The following SETD1B variants were observed in gnomAD, a reference collection of about 807,000 sequenced individuals.
SETD1B encodes histone-lysine N-methyltransferase SETD1B.
A neutral mutation model predicts 148.0 loss-of-function variants in SETD1B; 7 were observed. The ratio of observed to expected loss-of-function variants is 0.05; its 90% CI spans 0.03 to 0.09. The LOEUF (loss-of-function observed/expected upper bound fraction) is 0.09, where lower values mean the gene tolerates loss of function less well. Among genes scored for constraint, SETD1B ranks in the 10% least tolerant of loss-of-function variants. The probability of loss-of-function intolerance (pLI) is 1.00; values close to 1 mark genes in which losing one functional copy is unlikely to be tolerated. For synonymous variants in SETD1B, 1,361 were observed against 1,186.5 expected, an observed-to-expected ratio of 1.15 and a Z score of -3.02; for missense variants, 2,155 against 2,729.9, an observed-to-expected ratio of 0.79 and a Z score of 4.69.
Position 121,804,761 on chromosome 12 carries a change from CCA to C in SETD1B, c.26_27del (p.His9ProfsTer28). MENSHPPH[H>X]HHQQPPPQPG... ...GCATGGAGAACAGTCACCCCCCCCA[CCA>C]CCACCACCAGCAGCCCCCGCCGCAG... On this transcript the variant is annotated frameshift_variant, in exon 2 of 17. Coordinates refer to ENST00000604567, the MANE Select transcript of SETD1B (RefSeq NM_001353345.2). LOFTEE classifies it high-confidence loss of function. The surrounding 1 kb of genome is among the most constrained non-coding windows in gnomAD (Gnocchi z 4.6). 1 of 1,550,086 alleles carries C rather than the reference CCA, an allele frequency of 6.5e-7. No homozygotes were observed.
upstream of SETD1B, chr12:121,799,740 G>GGGGGTGGGA (rs1566540807): frequency 9.2e-6 from 1 of 109,010 alleles, no homozygotes; most frequent in Non-Finnish European, 2.1e-5. Context: ...GTGGGGTGGG[G>GGGGGTGGGA]CGGGGCCGCA....
the SETD1B span, chr12:121,794,394 C>T: frequency 1.3e-5 from 2 of 152,276 alleles, no homozygotes; most frequent in Non-Finnish European, 2.9e-5. Context: ...GGCCCGAAAC[C>T]ACTAGGGGCG....
chr12:121,830,553 T>A lies in SETD1B; in HGVS notation c.*314T>A. 1 of 269,952 alleles carries A rather than the reference T, an allele frequency of 3.7e-6. No individual in the cohort carries two copies. 16.7% of individuals were successfully genotyped at this position (269,952 alleles called of 1,614,324 possible). On this transcript the variant is annotated 3_prime_UTR_variant, in exon 17 of 17. Transcript: ENST00000604567. This position sits in a 1 kb window ranked among gnomAD's most constrained non-coding sequence, Gnocchi z 5.7. Reference sequence around the variant, plus strand: ...TCCTCCCCTCTCTCTCTTCTCTGTCTCTTCTCTCTCCCACCATCACCCTCG... The same window carrying A: ...TCCTCCCCTCTCTCTCTTCTCTGTCACTTCTCTCTCCCACCATCACCCTCG...
At position 121,825,380 on chromosome 12, in the gene SETD1B, T is replaced by C. The variant is rs1876792157; in HGVS notation, c.5337+14T>C. 1 of 1,546,116 alleles carries C rather than the reference T, an allele frequency of 6.5e-7. No individual in the cohort carries two copies. The highest frequency in any genetic ancestry group is 8.7e-7 in the Non-Finnish European group (1 of 1,146,258). Reference sequence around the variant, plus strand: ...GCAGACACCCAGGTACTGCCAGGGCTCCTGGACACATCAGAGCCTGCTGGG... The same window carrying C: ...GCAGACACCCAGGTACTGCCAGGGCCCCTGGACACATCAGAGCCTGCTGGG... On this transcript the variant is annotated intron_variant, in intron 13 of 16. Coordinates refer to ENST00000604567, the MANE Select transcript of SETD1B (RefSeq NM_001353345.2).
chr12:121,799,588 C>G (rs1329966616), upstream of SETD1B: 3 of 152,328 alleles, frequency 2.0e-5, no homozygotes, highest in African/African-American at 7.2e-5. Context: ...GAAATACTTG[C>G]AAGTGGATCC....
In SETD1B at chr12:121,830,521, C is replaced by CCGTCTCTCCTCCCCTCTCTCTCTT. The variant is rs1877044559; in HGVS notation, c.*284_*307dup. 1 of 344,982 alleles carries CCGTCTCTCCTCCCCTCTCTCTCTT rather than the reference C, an allele frequency of 2.9e-6. No individual in the cohort carries two copies. Among genetic ancestry groups the CCGTCTCTCCTCCCCTCTCTCTCTT allele is most frequent in the Non-Finnish European group, 5.3e-6 (1 of 189,578 alleles). The allele number at this position is 344,982 out of a possible 1,614,324, so 21.4% of individuals were successfully genotyped here. Reference sequence around the variant, plus strand: ...AACTCCAGCATCAGCTTCTCTCTCTCCGTCTCTCCTCCCCTCTCTCTCTTC... The same window carrying CCGTCTCTCCTCCCCTCTCTCTCTT: ...AACTCCAGCATCAGCTTCTCTCTCTCCGTCTCTCCTCCCCTCTCTCTCTTCGTCTCTCCTCCCCTCTCTCTCTTC... On this transcript the variant is annotated 3_prime_UTR_variant, in exon 17 of 17. Coordinates refer to ENST00000604567, the MANE Select transcript of SETD1B (RefSeq NM_001353345.2). This position sits in a 1 kb window ranked among gnomAD's most constrained non-coding sequence, Gnocchi z 5.7.
rs188693323 is a variant in SETD1B, at chr12:121,815,790, C to T, written c.2715+860C>T. 1.9e-4 allele frequency among the ~76,000 whole-genome samples: 29 copies of T among 151,102 alleles called. No homozygotes were observed. In the East Asian group the frequency reaches 4.5e-3, roughly 23 times the overall value. ...GGCTGGGATTATATGCGTCAGCCACCGCTCCTGGCCTACTTACTATTTTCT... is the reference window on the plus strand; with the variant it reads ...GGCTGGGATTATATGCGTCAGCCACTGCTCCTGGCCTACTTACTATTTTCT... On this transcript the variant is annotated intron_variant, in intron 7 of 16. Coordinates refer to ENST00000604567, the MANE Select transcript of SETD1B (RefSeq NM_001353345.2).
At chr12:121,795,694 T>A in the SETD1B span, 1 of 152,346 alleles carries the variant, frequency 6.6e-6, no homozygotes, top group African/African-American at 2.4e-5. Context: ...GGGGCCGAGG[T>A]TCCCCAGGAC....
Position 121,819,559 on chromosome 12 carries a change from G to C in SETD1B, c.3574G>C (p.Glu1192Gln). 1 of 1,552,684 alleles carries C rather than the reference G, an allele frequency of 6.4e-7. No individual in the cohort carries two copies. The highest frequency in any genetic ancestry group is 8.7e-7 in the Non-Finnish European group (1 of 1,147,368). Reference sequence around the variant, plus strand: ...CAGGGAAGAGGAGGAAGAAGAGGAGGAGGAGGAGATGGTGGCCGAGGAAAG... The same window carrying C: ...CAGGGAAGAGGAGGAAGAAGAGGAGCAGGAGGAGATGGTGGCCGAGGAAAG... ...VAREEEEEEE[E>Q]EEMVAEESMA... The change falls in exon 11 of 17, where the codon GAG becomes CAG. Residue 1192 changes from glutamate to glutamine, a missense_variant. Coordinates refer to ENST00000604567, the MANE Select transcript of SETD1B (RefSeq NM_001353345.2).
At chr12:121,806,614 C>T (rs1875754501) in intron 4 of SETD1B, among the ~76,000 whole-genome samples, 1 of 152,188 alleles carries the variant, frequency 6.6e-6, no homozygotes, top group South Asian at 2.1e-4. Flanking sequence ...CAATCTGGGG[C>T]CAGGAGTGTT....
Position 121,804,941 on chromosome 12 carries a change from G to A in SETD1B, c.174+30G>A. On this transcript the variant is annotated intron_variant, in intron 2 of 16. Transcript: ENST00000604567. The surrounding 1 kb of genome is among the most constrained non-coding windows in gnomAD (Gnocchi z 4.6). ...GTAGCCGGCGCGCCCCCCCAGCCGTGCCCCGCGTCGTGTCCGGGGAGACGC... is the reference window on the plus strand; with the variant it reads ...GTAGCCGGCGCGCCCCCCCAGCCGTACCCCGCGTCGTGTCCGGGGAGACGC... 1.4e-6 allele frequency: 2 copies of A among 1,479,246 alleles called. No homozygotes were observed. The highest frequency in any genetic ancestry group is 1.8e-6 in the Non-Finnish European group (2 of 1,111,276). The allele number at this position is 1,479,246 out of a possible 1,614,324, so 91.6% of individuals were successfully genotyped here. A position where few individuals can be genotyped will look rare whatever the true frequency, so the allele number is the denominator to read the frequency against.
the SETD1B span, chr12:121,793,814 G>A: frequency 7.8e-6 from 4 of 515,920 alleles, no homozygotes; most frequent in African/African-American, 8.2e-5. Context: ...CCCTGGGTGT[G>A]GGTATTCAGC....
chr12:121,823,776 C>T, intron 12 of SETD1B, 27 bp downstream of exon 12: 1 of 1,521,190 alleles, frequency 6.6e-7, no homozygotes, highest in Non-Finnish European at 8.8e-7. Flanking sequence ...GGGGGCTCTG[C>T]ACCTTCTGGG....
rs779497764 is a variant in SETD1B at position 121,810,243 on chromosome 12, C to T, written c.1298C>T (p.Ala433Val). 28 of 1,546,888 alleles carry T rather than the reference C, an allele frequency of 1.8e-5. No homozygotes were observed. The highest frequency in any genetic ancestry group is 1.1e-4 in the African/African-American group (8 of 73,006). Residue 433 changes from alanine (A) to valine (V), a missense_variant, in exon 6 of 17, where the codon GCG (alanine) becomes GTG (valine). Ala to Val is a moderately conservative substitution (Grantham distance 64). This residue lies in a region of SETD1B where 376 missense variants were observed against 385.0 expected (regional missense o/e 0.98). Transcript: ENST00000604567. This position sits in a 1 kb window ranked among gnomAD's most constrained non-coding sequence, Gnocchi z 7.6. ...RDSGEFRRAP[A>V]PPPLPPAEPL... ...AGTGGGGAGTTCCGGAGGGCACCGG[C>T]GCCCCCACCCCTGCCACCTGCTGAG...
At chr12:121,818,030 AACAC>A in intron 10 of SETD1B, 126 bp downstream of exon 10, 1 of 916,974 alleles carries the variant, frequency 1.1e-6, no homozygotes, top group East Asian at 2.7e-5. Flanking sequence ...ACCTTGTTAA[AACAC>A]ACACACAGGG....
Position 121,809,752 on chromosome 12 carries a change from T to C in SETD1B, c.807T>C (p.Tyr269=). ...SSCRLDTPNS[Y]GQGTPLTPRL... ...GCCGCCTGGACACACCCAACTCCTA[T>C]GGACAGGGCACCCCGCTCACACCGC... The change falls in exon 6 of 17, where the codon TAT becomes TAC. Residue 269 remains tyrosine (Y), a synonymous_variant. Transcript: ENST00000604567. The C allele has an allele frequency of 6.4e-7, 1 of 1,551,544 alleles. No individual in the cohort carries two copies. Among genetic ancestry groups the C allele is most frequent in the Non-Finnish European group, 8.7e-7 (1 of 1,146,970 alleles).
chr12:121,809,797 A>T lies in SETD1B; in HGVS notation c.852A>T (p.Ser284=). The T allele has an allele frequency of 6.4e-7, 1 of 1,550,988 alleles. No homozygotes were observed. The highest frequency in any genetic ancestry group is 8.7e-7 in the Non-Finnish European group (1 of 1,146,796). Residue 284 remains serine (S), a synonymous_variant, in exon 6 of 17, where the codon TCA becomes TCT. Transcript: ENST00000604567. ...CACCGCGCCTGGGCACCCCTTTCTC[A>T]CAGGACTCCAGCTACTCCAGCCGCC... ...PLTPRLGTPF[S]QDSSYSSRQP...
At chr12:121,820,386 C>T (rs1876511572) in intron 11 of SETD1B, among the ~76,000 whole-genome samples, 1 of 152,228 alleles carries the variant, frequency 6.6e-6, no homozygotes, top group Non-Finnish European at 1.5e-5. Flanking sequence ...GCTGTGCTGT[C>T]CAGCACTGTA....
Position 121,819,635 on chromosome 12 carries a change from C to T in SETD1B, c.3650C>T (p.Ala1217Val), listed in dbSNP as rs1447310609. The T allele has an allele frequency of 1.9e-6, 3 of 1,551,742 alleles. No homozygotes were observed. In the South Asian group the frequency reaches 3.6e-5, roughly 18 times the overall value. The change falls in exon 11 of 17, where the codon GCT becomes GTT. Residue 1217 changes from alanine to valine, a missense_variant. By Grantham distance (64) the Ala-to-Val change is moderately conservative. Transcript: ENST00000604567. ...TTTGAGCAGGACGGGGAGGAAGCGGCTCTGGCCCCGGGGGCACCTGCAGTG... is the reference window on the plus strand; with the variant it reads ...TTTGAGCAGGACGGGGAGGAAGCGGTTCTGGCCCCGGGGGCACCTGCAGTG... ...EDFEQDGEEA[A>V]LAPGAPAVDS...
Sources: gnomAD v4.1 joint callset for allele counts (sites outside exome capture counted in the v4.1 genomes callset) on GRCh38, gnomAD v4.1.1 for gene constraint, gnomAD v4.1.1 regional missense constraint, Gnocchi (gnomAD v3.1) non-coding constraint, MANE v1.5 for transcripts, NCBI Gene and HGNC (gene_info 2026-07-23, HGNC 2026-07-21) for gene names.